Variants in PCDHGA6 observed in about 807,000 individuals in gnomAD.
The protein encoded by PCDHGA6 is protocadherin gamma subfamily A, 6, also known as protocadherin gamma-A6.
A neutral mutation model predicts 60.6 loss-of-function variants in PCDHGA6; 41 were observed. The observed-to-expected ratio is 0.68, with a 90% confidence interval of 0.53 to 0.88. The LOEUF is 0.88. Ranked by LOEUF, PCDHGA6 falls within the 40% of genes least tolerant of loss-of-function variation. The pLI is 0.00. For synonymous variants in PCDHGA6, 594 were observed against 524.4 expected (o/e 1.13, Z -1.81); for missense variants, 1,312 against 1,203.0 (o/e 1.09, Z -1.34).
In PCDHGA6 at chr5:141,432,958, A is replaced by C; in HGVS notation, c.2424+56451A>C. 6.2e-7 allele frequency: 1 copy of C among 1,614,182 alleles called. No individual in the cohort carries two copies. Among genetic ancestry groups the C allele is most frequent in the African/African-American group, 1.3e-5 (1 of 75,056 alleles). On this transcript the variant is annotated intron_variant, in intron 1 of 3. Transcript: ENST00000517434. This position sits in a 1 kb window ranked among gnomAD's most constrained non-coding sequence, Gnocchi z 6.0. ...TGCAGGCTTCAGGAGGCGGCTTGAC[A>C]GGAGCGCCGGCGTCGCACTTTGTGG...
At chr5:141,385,189 C>A (rs368141492) in intron 1 of PCDHGA6, 696 of 1,614,224 alleles carry the variant, frequency 4.3e-4, no homozygotes, top group Non-Finnish European at 5.4e-4. Flanking sequence ...CGCGGACTCT[C>A]GGAAGAGTCA....
chr5:141,443,588 A>T (rs1479393074), intron 1 of PCDHGA6, among the ~76,000 whole-genome samples: 3 of 152,240 alleles, frequency 2.0e-5, no homozygotes, highest in Non-Finnish European at 4.4e-5. Context: ...CTAAAACAGA[A>T]TGTGGTATAT....
Position 141,393,720 on chromosome 5 carries a change from A to T in PCDHGA6, c.2424+17213A>T, listed in dbSNP as rs371093729. ...TAATGAAAATACTGGGGAAATATCA[A>T]TAGCAAAAAGTCTAGATTATGAAGA... On this transcript the variant is annotated intron_variant, in intron 1 of 3. Transcript: ENST00000517434. 5.0e-6 allele frequency: 8 copies of T among 1,613,888 alleles called. No homozygotes were observed. The South Asian group carries it at 8.8e-5, about 18-fold the overall frequency.
Position 141,489,629 on chromosome 5 carries a change from C to T in PCDHGA6, c.2425-5178C>T. Reference sequence around the variant, plus strand: ...GAGATCCTGGATCTCAATGACAACTCTCCTAGCTTTGCCACCCCTGAGCGA... The same window carrying T: ...GAGATCCTGGATCTCAATGACAACTTTCCTAGCTTTGCCACCCCTGAGCGA... On this transcript the variant is annotated intron_variant, in intron 1 of 3. Transcript: ENST00000517434. This position sits in a 1 kb window ranked among gnomAD's most constrained non-coding sequence, Gnocchi z 4.5. 6.2e-7 allele frequency: 1 copy of T among 1,614,142 alleles called. No homozygotes were observed. The highest frequency in any genetic ancestry group is 1.7e-5 in the Admixed American group (1 of 60,032).
At position 141,482,089 on chromosome 5, in the gene PCDHGA6, CAAA is replaced by C. The variant is rs36035257; in HGVS notation, c.2425-12704_2425-12702del. 2.7e-4 allele frequency among the ~76,000 whole-genome samples: 36 copies of C among 134,496 alleles called. No individual in the cohort carries two copies. The East Asian group carries it at 3.5e-3, about 13-fold the overall frequency. The allele number at this position is 134,496 out of a possible 152,430, so 88.2% of individuals were successfully genotyped here. On this transcript the variant is annotated intron_variant, in intron 1 of 3. Coordinates refer to ENST00000517434, the MANE Select transcript of PCDHGA6 (RefSeq NM_018919.3). ...AACAAGAACAAAACTCACTCCATCTCAAAAAAAAAAAAAAAATATCTAGAGATG... is the reference window on the plus strand; with the variant it reads ...AACAAGAACAAAACTCACTCCATCTCAAAAAAAAAAAAATATCTAGAGATG...
chr5:141,401,940 A>T (rs1423719749), intron 1 of PCDHGA6, among the ~76,000 whole-genome samples: 1 of 152,236 alleles, frequency 6.6e-6, no homozygotes, highest in Non-Finnish European at 1.5e-5. Flanking sequence ...AATAATGTTT[A>T]AGACCACTTT....
chr5:141,458,612 C>T (rs1381385841), intron 1 of PCDHGA6, among the ~76,000 whole-genome samples: 1 of 152,084 alleles, frequency 6.6e-6, no homozygotes, highest in Non-Finnish European at 1.5e-5. Flanking sequence ...CTCTGTCAGC[C>T]AGGCTGGAGT....
Position 141,477,778 on chromosome 5 carries a change from C to T in PCDHGA6, c.2425-17029C>T, listed in dbSNP as rs866423908. On this transcript the variant is annotated intron_variant, in intron 1 of 3. Transcript: ENST00000517434. This position sits in a 1 kb window ranked among gnomAD's most constrained non-coding sequence, Gnocchi z 4.9. ...TCCTAGCCACCAACATCAGCGTGAA[C>T]ATATTTGTCACTGATCGCAATGACA... 2.5e-6 allele frequency: 4 copies of T among 1,614,052 alleles called. No homozygotes were observed. In the African/African-American group the frequency reaches 5.3e-5, roughly 22 times the overall value.
intron 1 of PCDHGA6, chr5:141,415,094 A>T: frequency 1.9e-6 from 3 of 1,613,530 alleles, no homozygotes; most frequent in Non-Finnish European, 2.5e-6. Flanking sequence ...CTGGACAGAG[A>T]CGCGCTCAAG....
chr5:141,478,272 A>T, intron 1 of PCDHGA6: 7 of 1,614,160 alleles, frequency 4.3e-6, no homozygotes, highest in Non-Finnish European at 5.9e-6. Context: ...AAAGTTTACA[A>T]GTGGAAGCAG....
intron 1 of PCDHGA6, chr5:141,421,236 TCGGCTACAG>T (rs761399164): frequency 3.8e-5 from 60 of 1,594,916 alleles, no homozygotes; most frequent in Non-Finnish European, 5.1e-5. Flanking sequence ...CCATGGCGAA[TCGGCTACAG>T]CGCGGGGACC....
At chr5:141,407,615 A>T (rs780052436) in intron 1 of PCDHGA6, among the ~76,000 whole-genome samples, 2 of 152,140 alleles carry the variant, frequency 1.3e-5, no homozygotes, top group Non-Finnish European at 2.9e-5. Context: ...GCATTGGTTG[A>T]CATTCTATAT....
chr5:141,426,790 A>T, intron 1 of PCDHGA6: 1 of 456,732 alleles, frequency 2.2e-6, no homozygotes, highest in Middle Eastern at 3.3e-4. Flanking sequence ...CTCCAGAGTT[A>T]CCAGCTCAGT....
At chr5:141,398,896 C>T (rs776008122) in intron 1 of PCDHGA6, 5 of 1,613,946 alleles carry the variant, frequency 3.1e-6, no homozygotes, top group Non-Finnish European at 3.4e-6. Context: ...AAACGTGCCA[C>T]CAGGCACCAC....
chr5:141,400,727 G>A (rs2094067426), intron 1 of PCDHGA6: 2 of 649,836 alleles, frequency 3.1e-6, no homozygotes, highest in African/African-American at 1.8e-5. Flanking sequence ...GATTTACAAA[G>A]TAGTGAGAGT....
At chr5:141,419,570 G>A (rs751047365) in intron 1 of PCDHGA6, 3 of 1,611,764 alleles carry the variant, frequency 1.9e-6, no homozygotes, top group Non-Finnish European at 2.5e-6. Flanking sequence ...GGGTCCCGAC[G>A]GCTCCGCGCT....
chr5:141,475,908 A>G (rs531350638), intron 1 of PCDHGA6: 110 of 585,688 alleles, frequency 1.9e-4, no homozygotes, highest in Non-Finnish European at 2.5e-4. Context: ...CTGTCGGCCA[A>G]TGAAGACGCT....
intron 1 of PCDHGA6, chr5:141,393,007 G>T: frequency 6.2e-7 from 1 of 1,613,850 alleles, no homozygotes; most frequent in South Asian, 1.1e-5. Context: ...CACGGAGTCC[G>T]TATCGTCTCC....
intron 1 of PCDHGA6, among the ~76,000 whole-genome samples, chr5:141,475,380 T>A (rs2099362720): frequency 6.6e-6 from 1 of 152,244 alleles, no homozygotes; most frequent in South Asian, 2.1e-4. Flanking sequence ...TACTTTTAAA[T>A]TTTATAAGCC....
Sources: gnomAD v4.1 joint callset for allele counts (sites outside exome capture counted in the v4.1 genomes callset) on GRCh38, gnomAD v4.1.1 for gene constraint, Gnocchi (gnomAD v3.1) non-coding constraint, MANE v1.5 for transcripts, NCBI Gene and HGNC (gene_info 2026-07-23, HGNC 2026-07-21) for gene names.